AMIGO3: variants seen among roughly 807,000 people sequenced by gnomAD.
The protein encoded by AMIGO3 is adhesion molecule with Ig like domain 3.
AMIGO3 carries 6 observed loss-of-function variants against 4.3 expected under a neutral mutation model. The ratio of observed to expected loss-of-function variants is 1.39; its 90% confidence interval spans 0.76 to 2.75. The LOEUF is 2.75. Among genes scored for constraint, AMIGO3 ranks in the 30% most tolerant of loss-of-function variants. The pLI is 0.00. For missense variants in AMIGO3, 771 were observed against 692.1 expected, an observed-to-expected ratio of 1.11 and a Z score of -1.28; for synonymous variants, 315 against 320.0, an observed-to-expected ratio of 0.98 and a Z score of 0.17.
In AMIGO3 at chr3:49,719,535, G is replaced by A; in HGVS notation, c.-70C>T. 1 of 1,322,574 alleles carries A rather than the reference G, an allele frequency of 7.6e-7. No homozygotes were observed. Among genetic ancestry groups the A allele is most frequent in the Non-Finnish European group, 1.0e-6 (1 of 955,674 alleles). The allele number at this position is 1,322,574 out of a possible 1,614,324, so 81.9% of individuals were successfully genotyped here. A position where few individuals can be genotyped will look rare whatever the true frequency, so the allele number is the denominator to read the frequency against. ...GCAGTTCCAGGACTCACCCTCTTCT[G>A]CTCTAGTGCGACATGGGTGGCACCG... On this transcript the variant is annotated 5_prime_UTR_variant, in exon 1 of 1. Coordinates refer to ENST00000320431, the MANE Select transcript of AMIGO3 (RefSeq NM_198722.3).
In AMIGO3 at chr3:49,717,827, A is replaced by T. The variant is rs2080277855; in HGVS notation, c.*124T>A. The T allele has an allele frequency of 1.0e-5, 11 of 1,081,038 alleles. No homozygotes were observed. The highest frequency in any genetic ancestry group is 2.4e-5 in the East Asian group (1 of 41,318). The allele number at this position is 1,081,038 out of a possible 1,614,324, so 67.0% of individuals were successfully genotyped here. On this transcript the variant is annotated 3_prime_UTR_variant, in exon 1 of 1. Coordinates refer to ENST00000320431, the MANE Select transcript of AMIGO3 (RefSeq NM_198722.3). Reference sequence around the variant, plus strand: ...GAAGGCCCATTGTGTTTCGAGGCCCATACAGGAAGCTGGGGGGCCAGGCAC... The same window carrying T: ...GAAGGCCCATTGTGTTTCGAGGCCCTTACAGGAAGCTGGGGGGCCAGGCAC...
In AMIGO3 at chr3:49,717,827, A is replaced by G; in HGVS notation, c.*124T>C. 9.3e-7 allele frequency: 1 copy of G among 1,081,038 alleles called. No individual in the cohort carries two copies. The highest frequency in any genetic ancestry group is 1.3e-6 in the Non-Finnish European group (1 of 760,188). 67.0% of individuals were successfully genotyped at this position (1,081,038 alleles called of 1,614,324 possible). The stretch of plus-strand genomic sequence containing the variant: ...GAAGGCCCATTGTGTTTCGAGGCCC[A>G]TACAGGAAGCTGGGGGGCCAGGCAC... On this transcript the variant is annotated 3_prime_UTR_variant, in exon 1 of 1. Coordinates refer to ENST00000320431, the MANE Select transcript of AMIGO3 (RefSeq NM_198722.3).
At position 49,718,444 on chromosome 3, in the gene AMIGO3, T is replaced by C; in HGVS notation, c.1022A>G (p.Asn341Ser). The change falls in exon 1 of 1, where the codon AAC (asparagine) becomes AGC (serine). Residue 341 changes from asparagine to serine, a missense_variant. Physicochemically the swap from Asn to Ser is conservative, Grantham distance 46. Transcript: ENST00000320431. ...GAGTCCCGCATGCTGCTCCTGTACG[T>C]TGCCTATGGCCAAGCTGCCGTCGGC... Reference protein sequence around the residue: ...VLADGSLAIGNVQEQHAGLFV... With the variant: ...VLADGSLAIGSVQEQHAGLFV... 1 of 1,612,992 alleles carries C rather than the reference T, an allele frequency of 6.2e-7. No homozygotes were observed. The highest frequency in any genetic ancestry group is 8.5e-7 in the Non-Finnish European group (1 of 1,179,922).
At position 49,718,938 on chromosome 3, in the gene AMIGO3, G is replaced by C. The variant is rs2080318750; in HGVS notation, c.528C>G (p.His176Gln). 6.2e-7 allele frequency: 1 copy of C among 1,613,778 alleles called. No individual in the cohort carries two copies. The highest frequency in any genetic ancestry group is 2.2e-5 in the East Asian group (1 of 44,884). ...CNELASFSFD[H>Q]LHGLSATHLL... ...GGTGGGTGGCGCTCAGACCGTGCAG[G>C]TGGTCGAAGGAGAACGAGGCGAGTT... The change falls in exon 1 of 1, where the codon CAC (histidine) becomes CAG (glutamine). Residue 176 changes from histidine to glutamine, a missense_variant. Transcript: ENST00000320431.
In AMIGO3 at chr3:49,718,143, T is replaced by C; in HGVS notation, c.1323A>G (p.Pro441=). ...CGCTGGCCTTGCGGCTGGGTGCGTC[T>C]GGCGGTGTGGTGCTGAGTACTGAGG... ...AQSSVLSTTP[P]DAPSRKASVH... The change falls in exon 1 of 1, where the codon CCA becomes CCG. Residue 441 remains proline (P), a synonymous_variant. Transcript: ENST00000320431. The C allele has an allele frequency of 6.2e-7, 1 of 1,613,246 alleles. No homozygotes were observed. Among genetic ancestry groups the C allele is most frequent in the Non-Finnish European group, 8.5e-7 (1 of 1,180,032 alleles).
rs2080329964 is a variant in AMIGO3, at chr3:49,719,232, G to A, written c.234C>T (p.Pro78=). The A allele has an allele frequency of 1.2e-6, 2 of 1,613,128 alleles. No individual in the cohort carries two copies. Among genetic ancestry groups the A allele is most frequent in the Non-Finnish European group, 1.7e-6 (2 of 1,179,826 alleles). ...GCTGGAAGAGGGGCGCCAACCAGCC[G>A]GGGCGCAGGCGCTGGAGCGCGTTGT... ...LSHNALQRLR[P]GWLAPLFQLR... Residue 78 remains proline (P), a synonymous_variant, in exon 1 of 1, where the codon CCC becomes CCT. Transcript: ENST00000320431.
Position 49,719,124 on chromosome 3 carries a change from G to C in AMIGO3, c.342C>G (p.Leu114=). 1 of 1,613,540 alleles carries C rather than the reference G, an allele frequency of 6.2e-7. No individual in the cohort carries two copies. Among genetic ancestry groups the C allele is most frequent in the Non-Finnish European group, 8.5e-7 (1 of 1,180,022 alleles). The change falls in exon 1 of 1, where the codon CTC becomes CTG. Residue 114 remains leucine (L), a synonymous_variant. Coordinates refer to ENST00000320431, the MANE Select transcript of AMIGO3 (RefSeq NM_198722.3). The part of the protein sequence containing the change: ...VFVNASGLRL[L]DLSSNTLRAL... The stretch of plus-strand genomic sequence containing the variant: ...CCCGCAACGTGTTAGATGATAGATC[G>C]AGCAGCCTCAGGCCGCTGGCGTTGA...
chr3:49,719,681 T>G lies in AMIGO3; in HGVS notation c.-216A>C. On this transcript the variant is annotated 5_prime_UTR_variant, in exon 1 of 1. Coordinates refer to ENST00000320431, the MANE Select transcript of AMIGO3 (RefSeq NM_198722.3). ...GCGCTCCCTTCGGCTTCGCTAGCCC[T>G]CTCCAAGCGAGTTCCTGATCGGCTC... 3 of 529,424 alleles carry G rather than the reference T, an allele frequency of 5.7e-6. No homozygotes were observed. The highest frequency in any genetic ancestry group is 6.8e-6 in the Non-Finnish European group (2 of 293,142). The allele number at this position is 529,424 out of a possible 1,614,324, so 32.8% of individuals were successfully genotyped here. A position where few individuals can be genotyped will look rare whatever the true frequency, so the allele number is the denominator to read the frequency against.
rs1351666425 is a variant in AMIGO3, at chr3:49,717,789, T to TACCA, written c.*158_*161dup. ...GGTTGGGGACCACAACCCCTGTCTCTACCAGTGAGCGAGAAGGCCCATTGT... is the reference window on the plus strand; with the variant it reads ...GGTTGGGGACCACAACCCCTGTCTCTACCAACCAGTGAGCGAGAAGGCCCATTGT... On this transcript the variant is annotated 3_prime_UTR_variant, in exon 1 of 1. Transcript: ENST00000320431. The TACCA allele has an allele frequency of 1.3e-6, 1 of 773,554 alleles. No individual in the cohort carries two copies. The highest frequency in any genetic ancestry group is 1.7e-5 in the African/African-American group (1 of 57,266). The allele number at this position is 773,554 out of a possible 1,614,324, so 47.9% of individuals were successfully genotyped here. A position where few individuals can be genotyped will look rare whatever the true frequency, so the allele number is the denominator to read the frequency against.
chr3:49,719,104 A>G lies in AMIGO3; in HGVS notation c.362T>C (p.Leu121Ser), dbSNP rs1237561469. ...LRLLDLSSNT[L>S]RALGRHDLDG... ...GAGGTCGTGGCGGCCAAGCGCCCGCAACGTGTTAGATGATAGATCGAGCAG... is the reference window on the plus strand; with the variant it reads ...GAGGTCGTGGCGGCCAAGCGCCCGCGACGTGTTAGATGATAGATCGAGCAG... The change falls in exon 1 of 1, where the codon TTG becomes TCG. Residue 121 changes from leucine (L) to serine (S), a missense_variant. By Grantham distance (145) the Leu-to-Ser change is moderately radical (BLOSUM62 -2). Coordinates refer to ENST00000320431, the MANE Select transcript of AMIGO3 (RefSeq NM_198722.3). The G allele has an allele frequency of 2.5e-6, 4 of 1,613,430 alleles. No homozygotes were observed. The African/African-American group carries it at 4.0e-5, about 16-fold the overall frequency.
Position 49,718,119 on chromosome 3 carries a change from G to A in AMIGO3, c.1347C>T (p.Ser449=), listed in dbSNP as rs916346907. ...TPPDAPSRKA[S]VHKHVVFLEP... ...CCAGAAAGACTACGTGCTTGTGGACGCTGGCCTTGCGGCTGGGTGCGTCTG... is the reference window on the plus strand; with the variant it reads ...CCAGAAAGACTACGTGCTTGTGGACACTGGCCTTGCGGCTGGGTGCGTCTG... Residue 449 remains serine, a synonymous_variant, in exon 1 of 1, where the codon AGC becomes AGT. Transcript: ENST00000320431. 2.8e-5 allele frequency: 45 copies of A among 1,613,380 alleles called. No homozygotes were observed. The highest frequency in any genetic ancestry group is 3.3e-5 in the Non-Finnish European group (39 of 1,180,054).
Position 49,719,430 on chromosome 3 carries a change from G to A in AMIGO3, c.36C>T (p.Cys12=). ...TWLVLLGTLL[C]MLRVGLGTPD... ...GGGTGCCTAACCCAACGCGCAGCAT[G>A]CAGAGCAGTGTCCCCAGCAGCACCA... The change falls in exon 1 of 1, where the codon TGC becomes TGT. Residue 12 remains cysteine (C), a synonymous_variant. Coordinates refer to ENST00000320431, the MANE Select transcript of AMIGO3 (RefSeq NM_198722.3). 2.5e-6 allele frequency: 4 copies of A among 1,613,530 alleles called. No individual in the cohort carries two copies. Among genetic ancestry groups the A allele is most frequent in the Non-Finnish European group, 3.4e-6 (4 of 1,179,994 alleles).
chr3:49,718,385 G>C lies in AMIGO3; in HGVS notation c.1081C>G (p.His361Asp). 6.2e-7 allele frequency: 1 copy of C among 1,613,316 alleles called. No individual in the cohort carries two copies. The highest frequency in any genetic ancestry group is 8.5e-7 in the Non-Finnish European group (1 of 1,179,954). ...VCLATGPRLH[H>D]NQTHEYNVSV... ...ACGTTGTACTCGTGCGTCTGGTTGT[G>C]GTGCAGGCGGGGCCCAGTGGCCAGG... The change falls in exon 1 of 1, where the codon CAC becomes GAC. Residue 361 changes from histidine (H) to aspartate (D), a missense_variant. Coordinates refer to ENST00000320431, the MANE Select transcript of AMIGO3 (RefSeq NM_198722.3).
chr3:49,717,737 T>C lies in AMIGO3; in HGVS notation c.*214A>G. ...CCTTGCAGGGCCTGGGGCCTTTGGG[T>C]CCTGTGCAGGGGCAGAGCAGAAGGC... On this transcript the variant is annotated 3_prime_UTR_variant, in exon 1 of 1. Transcript: ENST00000320431. 1.6e-6 allele frequency: 1 copy of C among 618,920 alleles called. No individual in the cohort carries two copies. The highest frequency in any genetic ancestry group is 2.8e-6 in the Non-Finnish European group (1 of 356,434). 38.3% of individuals were successfully genotyped at this position (618,920 alleles called of 1,614,324 possible).
In AMIGO3 at chr3:49,719,266, T is replaced by A; in HGVS notation, c.200A>T (p.Asp67Val). Residue 67 changes from aspartate to valine, a missense_variant, in exon 1 of 1, where the codon GAC becomes GTC. Asp to Val is a radical substitution (Grantham distance 152, BLOSUM62 -3). Coordinates refer to ENST00000320431, the MANE Select transcript of AMIGO3 (RefSeq NM_198722.3). ...AELPAATADL[D>V]LSHNALQRLR... ...GCGCTGGAGCGCGTTGTGGCTCAGGTCGAGGTCCGCAGTAGCGGCAGGTAA... is the reference window on the plus strand; with the variant it reads ...GCGCTGGAGCGCGTTGTGGCTCAGGACGAGGTCCGCAGTAGCGGCAGGTAA... 6.2e-7 allele frequency: 1 copy of A among 1,613,270 alleles called. No homozygotes were observed. The highest frequency in any genetic ancestry group is 8.5e-7 in the Non-Finnish European group (1 of 1,179,910).
Position 49,719,283 on chromosome 3 carries a change from G to A in AMIGO3, c.183C>T (p.Ala61=), listed in dbSNP as rs2080331679. The change falls in exon 1 of 1, where the codon GCC becomes GCT. Residue 61 remains alanine (A), a synonymous_variant. Coordinates refer to ENST00000320431, the MANE Select transcript of AMIGO3 (RefSeq NM_198722.3). Reference sequence around the variant, plus strand: ...GGCTCAGGTCGAGGTCCGCAGTAGCGGCAGGTAACTCGGCTGGCACGTCCT... The same window carrying A: ...GGCTCAGGTCGAGGTCCGCAGTAGCAGCAGGTAACTCGGCTGGCACGTCCT... ...GLQDVPAELP[A]ATADLDLSHN... 3 of 1,613,084 alleles carry A rather than the reference G, an allele frequency of 1.9e-6. No homozygotes were observed. Among genetic ancestry groups the A allele is most frequent in the East Asian group, 2.2e-5 (1 of 44,892 alleles).
In AMIGO3 at chr3:49,718,129, C is replaced by T. The variant is rs2080286488; in HGVS notation, c.1337G>A (p.Arg446His). Residue 446 changes from arginine to histidine, a missense_variant, in exon 1 of 1, where the codon CGC (arginine) becomes CAC (histidine). By Grantham distance (29) the Arg-to-His change is conservative. Coordinates refer to ENST00000320431, the MANE Select transcript of AMIGO3 (RefSeq NM_198722.3). ...LSTTPPDAPS[R>H]KASVHKHVVF... ...TACGTGCTTGTGGACGCTGGCCTTG[C>T]GGCTGGGTGCGTCTGGCGGTGTGGT... The T allele has an allele frequency of 1.9e-6, 3 of 1,613,358 alleles. No homozygotes were observed. The highest frequency in any genetic ancestry group is 2.5e-6 in the Non-Finnish European group (3 of 1,180,040).
In AMIGO3 at chr3:49,717,996, A is replaced by G; in HGVS notation, c.1470T>C (p.Ser490=). The change falls in exon 1 of 1, where the codon TCT becomes TCC. Residue 490 remains serine, a synonymous_variant. Coordinates refer to ENST00000320431, the MANE Select transcript of AMIGO3 (RefSeq NM_198722.3). ...CGGAGCCTATGGAGCTGGCGGACTC[A>G]GAGCCAGCCTTCAGCTGCAGGCCTC... The part of the protein sequence containing the change: ...NPGGLQLKAG[S]ESASSIGSEG... 2 of 1,613,632 alleles carry G rather than the reference A, an allele frequency of 1.2e-6. No homozygotes were observed.
rs1168881514 is a variant in AMIGO3 at position 49,719,588 on chromosome 3, G to T, written c.-123C>A. Reference sequence around the variant, plus strand: ...TGGCCCTTGCCGAGGAGGCACGGCGGGTTCTTGCCAGCCGACGGCCCCTAC... The same window carrying T: ...TGGCCCTTGCCGAGGAGGCACGGCGTGTTCTTGCCAGCCGACGGCCCCTAC... On this transcript the variant is annotated 5_prime_UTR_variant, in exon 1 of 1. Transcript: ENST00000320431. The T allele has an allele frequency of 3.5e-6, 3 of 854,614 alleles. No homozygotes were observed. The Admixed American group carries it at 8.5e-5, about 24-fold the overall frequency. 52.9% of individuals were successfully genotyped at this position (854,614 alleles called of 1,614,324 possible).
Sources: allele counts gnomAD v4.1 joint callset, GRCh38; gene constraint gnomAD v4.1.1; transcripts MANE v1.5; gene names NCBI Gene and HGNC (gene_info 2026-07-23, HGNC 2026-07-21).